CERT1: variants seen among roughly 807,000 people sequenced by gnomAD.
CERT1 encodes ceramide transfer protein.
A neutral mutation model predicts 87.9 loss-of-function variants in CERT1; 31 were observed. The observed-to-expected ratio is 0.35, with a 90% CI of 0.27 to 0.48. CERT1 has a LOEUF of 0.48. CERT1 is among the 20% of genes least tolerant of loss of function. The pLI is 0.99. For missense variants in CERT1, 487 were observed against 758.0 expected, an observed-to-expected ratio of 0.64 and a Z score of 4.20; for synonymous variants, 289 against 250.9, an observed-to-expected ratio of 1.15 and a Z score of -1.44.
At chr5:75,464,248 G>A (rs1765360565) in intron 2 of CERT1, among the ~76,000 whole-genome samples, 1 of 152,094 alleles carries the variant, frequency 6.6e-6, no homozygotes, top group South Asian at 2.1e-4. Flanking sequence ...AGCACTAGAG[G>A]TTAAGGCATG....
At chr5:75,381,049 A>G in intron 16 of CERT1, 23 bp downstream of exon 16, 1 of 1,612,092 alleles carries the variant, frequency 6.2e-7, no homozygotes, top group Non-Finnish European at 8.5e-7. Flanking sequence ...ATTATCAAAG[A>G]GCAAAAACAA....
chr5:75,387,677 G>A (rs1357404368), intron 12 of CERT1, among the ~76,000 whole-genome samples: 1 of 151,682 alleles, frequency 6.6e-6, no homozygotes, highest in Non-Finnish European at 1.5e-5. Context: ...AGGAGGCGGA[G>A]GCTGCGATAA....
intron 1 of CERT1, among the ~76,000 whole-genome samples, chr5:75,507,451 G>A (rs907829540): frequency 1.1e-4 from 16 of 152,060 alleles, no homozygotes; most frequent in African/African-American, 3.4e-4. Context: ...ACCACTCTCT[G>A]AGAACTCACC....
chr5:75,431,935 T>C (rs902180198), intron 3 of CERT1, among the ~76,000 whole-genome samples: 8 of 152,326 alleles, frequency 5.3e-5, no homozygotes, highest in Admixed American at 3.3e-4. Context: ...ATATACACAG[T>C]AATGAGATTG....
intron 3 of CERT1, among the ~76,000 whole-genome samples, chr5:75,432,671 T>C (rs766395919): frequency 6.6e-6 from 1 of 152,276 alleles, no homozygotes; most frequent in Non-Finnish European, 1.5e-5. Context: ...ACTCTGTTGA[T>C]AGTTTCTCTT....
chr5:75,488,093 G>C (rs1434960337), intron 2 of CERT1, among the ~76,000 whole-genome samples: 1 of 151,936 alleles, frequency 6.6e-6, no homozygotes, highest in Non-Finnish European at 1.5e-5. Context: ...GGGTTAATAA[G>C]TACAAAAATA....
At position 75,419,384 on chromosome 5, in the gene CERT1, A is replaced by T. The variant is rs771529825; in HGVS notation, c.636T>A (p.Ser212=). The stretch of plus-strand genomic sequence containing the variant: ...TGGTACTATGCAAGAAGTCACCATC[A>T]GAACGCGTTGTAGGAAAGTCATCTT... The part of the protein sequence containing the change: ...DDEDDFPTTR[S]DGDFLHSTNG... Residue 212 remains serine, a synonymous_variant, in exon 6 of 17, where the codon TCT becomes TCA. Transcript: ENST00000643780. 1 of 1,613,090 alleles carries T rather than the reference A, an allele frequency of 6.2e-7. No homozygotes were observed. Among genetic ancestry groups the T allele is most frequent in the South Asian group, 1.1e-5 (1 of 91,020 alleles).
chr5:75,400,231 C>A lies in CERT1; in HGVS notation c.1084G>T (p.Val362Leu). 1.2e-6 allele frequency: 2 copies of A among 1,613,200 alleles called. No individual in the cohort carries two copies. ...SLPSGDAFSS[V>L]GTHRFVQKPY... Reference sequence around the variant, plus strand: ...TTTTGGACAAATCTATGTGTCCCCACAGAAGAAAAGGCATCTCCAGAGGGC... The same window carrying A: ...TTTTGGACAAATCTATGTGTCCCCAAAGAAGAAAAGGCATCTCCAGAGGGC... The change falls in exon 10 of 17, where the codon GTG becomes TTG. Residue 362 changes from valine (V) to leucine (L), a missense_variant. Physicochemically the swap from Val to Leu is conservative, Grantham distance 32. Coordinates refer to ENST00000643780, the MANE Select transcript of CERT1 (RefSeq NM_001379029.1).
intron 7 of CERT1, among the ~76,000 whole-genome samples, chr5:75,414,227 G>C (rs769750950): frequency 1.3e-5 from 2 of 152,122 alleles, no homozygotes; most frequent in Non-Finnish European, 2.9e-5. Context: ...AAAACCATAT[G>C]ATCACCTCTT....
In CERT1 at chr5:75,483,473, G is replaced by T. The variant is rs140766542; in HGVS notation, c.231+22509C>A. On this transcript the variant is annotated intron_variant, in intron 2 of 16. Transcript: ENST00000643780. ...GAAGGTAGAAAGTTTGATTCAAAGC[G>T]ATAACAACAGAGAAATTAACAAACA... Among the ~76,000 whole-genome samples the T allele has an allele frequency of 1.1e-3, 164 of 152,168 alleles. 1 individual carries two copies. In the East Asian group the frequency reaches 0.027, roughly 25 times the overall value.
intron 3 of CERT1, among the ~76,000 whole-genome samples, chr5:75,457,754 G>A (rs1279228503): frequency 1.3e-5 from 2 of 151,888 alleles, no homozygotes; most frequent in Admixed American, 1.3e-4. Flanking sequence ...TTTCTTGGGT[G>A]TGTGGGTGTA....
chr5:75,375,073 G>GA (rs373464740), downstream of CERT1: 1,021 of 174,590 alleles, frequency 5.8e-3, 6 homozygotes, highest in African/African-American at 0.02. Context: ...ACAGGCACCT[G>GA]AAAAAAAAAG....
chr5:75,383,845 C>G (rs1761680990), intron 14 of CERT1, among the ~76,000 whole-genome samples: 1 of 152,074 alleles, frequency 6.6e-6, no homozygotes, highest in Non-Finnish European at 1.5e-5. Flanking sequence ...TTATGCTATA[C>G]ACATTATGTT....
chr5:75,491,036 G>C (rs891760767), intron 2 of CERT1, among the ~76,000 whole-genome samples: 1 of 151,816 alleles, frequency 6.6e-6, no homozygotes, highest in African/African-American at 2.4e-5. Context: ...GTTTTCTTTT[G>C]CTTCTTAAGT....
At chr5:75,488,212 A>G (rs530687784) in intron 2 of CERT1, among the ~76,000 whole-genome samples, 13 of 152,242 alleles carry the variant, frequency 8.5e-5, no homozygotes, top group Non-Finnish European at 1.5e-4. Context: ...GAATGTTTGT[A>G]ACACAAAGAA....
chr5:75,383,200 G>A (rs113542648), intron 14 of CERT1, among the ~76,000 whole-genome samples: 51 of 152,088 alleles, frequency 3.4e-4, no homozygotes, highest in African/African-American at 7.5e-4. Flanking sequence ...CATACACTGC[G>A]AATGTAATGT....
upstream of CERT1, chr5:75,511,938 C>T: frequency 2.0e-6 from 2 of 993,454 alleles, no homozygotes; most frequent in Non-Finnish European, 3.0e-6. Flanking sequence ...GCGGGGATCG[C>T]TTGTCCCCTT....
intron 2 of CERT1, among the ~76,000 whole-genome samples, chr5:75,504,640 T>A (rs550166586): frequency 5.9e-5 from 9 of 152,158 alleles, no homozygotes; most frequent in Admixed American, 3.9e-4. Context: ...TGACTTCTCT[T>A]TGAGTGAGTT....
At position 75,511,149 on chromosome 5, in the gene CERT1, G is replaced by T; in HGVS notation, c.59C>A (p.Ser20Tyr). ...CCCGCAGCGCTCCACAGGCGGCCCA[G>T]ACTCCGTCTCTGGATCCTCCTCCGA... ...SGSEEDPETE[S>Y]GPPVERCGVL... is the part of the protein sequence containing the mutation. The change falls in exon 1 of 17, where the codon TCT becomes TAT. Residue 20 changes from serine to tyrosine, a missense_variant. Ser to Tyr is a moderately radical substitution (Grantham distance 144). Transcript: ENST00000643780. The T allele has an allele frequency of 6.2e-7, 1 of 1,609,658 alleles. No homozygotes were observed. Among genetic ancestry groups the T allele is most frequent in the African/African-American group, 1.3e-5 (1 of 75,000 alleles).
Sources: allele counts gnomAD v4.1 joint callset (sites outside exome capture counted in the v4.1 genomes callset), GRCh38; gene constraint gnomAD v4.1.1; transcripts MANE v1.5; gene names NCBI Gene and HGNC (gene_info 2026-07-23, HGNC 2026-07-21).